Variants in APBB2 observed in about 807,000 individuals in gnomAD.
APBB2 encodes Fe65-like 1.
Under a neutral mutation model 82.5 loss-of-function variants are expected in APBB2, and 38 were observed. The observed-to-expected ratio is 0.46, with a 90% CI of 0.36 to 0.60. The LOEUF is 0.60. Ranked by LOEUF, APBB2 falls within the 20% of genes least tolerant of loss-of-function variation. The pLI, the probability that APBB2 is intolerant of heterozygous loss-of-function variation, is 0.00. For missense variants in APBB2, 772 were observed against 972.3 expected, an observed-to-expected ratio of 0.79 and a Z score of 2.74; for synonymous variants, 341 against 368.2, an observed-to-expected ratio of 0.93 and a Z score of 0.85.
chr4:40,996,493 A>T (rs542349366), intron 6 of APBB2, among the ~76,000 whole-genome samples: 1 of 152,128 alleles, frequency 6.6e-6, no homozygotes, highest in African/African-American at 2.4e-5. Flanking sequence ...AATCTCTCTG[A>T]CTTCTCCCTA....
intron 6 of APBB2, among the ~76,000 whole-genome samples, chr4:40,985,985 C>G (rs539226422): frequency 3.3e-4 from 50 of 152,262 alleles, no homozygotes; most frequent in Admixed American, 2.7e-3. Flanking sequence ...ATAAGTGACA[C>G]ATAAATAACA....
chr4:40,869,187 CAGA>C (rs1483275474), intron 12 of APBB2, among the ~76,000 whole-genome samples: 1 of 152,054 alleles, frequency 6.6e-6, no homozygotes, highest in Non-Finnish European at 1.5e-5. Context: ...TGCCTGTAAA[CAGA>C]AGAATAAAGT....
At chr4:40,982,400 G>GAAAGAAAGAAAGAAAGAAAGAAA (rs1491531264) in intron 6 of APBB2, among the ~76,000 whole-genome samples, 1 of 16,046 alleles carries the variant, frequency 6.2e-5, no homozygotes, top group Non-Finnish European at 1.4e-4. Context: ...GGAAAGGAAA[G>GAAAGAAAGAAAGAAAGAAAGAAA]GAAAGAAAGA....
At chr4:41,070,834 A>T (rs112337794) in intron 3 of APBB2, among the ~76,000 whole-genome samples, 13 of 152,348 alleles carry the variant, frequency 8.5e-5, no homozygotes, top group African/African-American at 2.9e-4. Flanking sequence ...TCTACTCTTA[A>T]GAACGCTAAG....
At chr4:41,021,334 T>C (rs2154433637) in intron 5 of APBB2, among the ~76,000 whole-genome samples, 1 of 152,308 alleles carries the variant, frequency 6.6e-6, no homozygotes, top group East Asian at 1.9e-4. Context: ...TGGGGTGTCC[T>C]GTTTAGAGGG....
intron 10 of APBB2, among the ~76,000 whole-genome samples, chr4:40,926,455 T>C (rs1389087708): frequency 6.6e-6 from 1 of 152,192 alleles, no homozygotes; most frequent in Non-Finnish European, 1.5e-5. Context: ...AAATGATTTT[T>C]TTTTTTTTGA....
rs1745073175 is a variant in APBB2, at chr4:40,814,341, C to T, written c.*1751G>A. On this transcript the variant is annotated 3_prime_UTR_variant, in exon 18 of 18. Transcript: ENST00000508593. The stretch of plus-strand genomic sequence containing the variant: ...TCCCTGACAATAGATCTTTCCATAC[C>T]TGCTCTTCTTAGTATATGCCCAGAA... The T allele has an allele frequency of 6.6e-6, 1 of 151,866 alleles. No individual in the cohort carries two copies. Among genetic ancestry groups the T allele is most frequent in the African/African-American group, 2.4e-5 (1 of 41,394 alleles). 9.4% of individuals were successfully genotyped at this position (151,866 alleles called of 1,614,324 possible). A position where few individuals can be genotyped will look rare whatever the true frequency, so the allele number is the denominator to read the frequency against.
chr4:41,158,316 G>A (rs1763985266), intron 1 of APBB2, among the ~76,000 whole-genome samples: 1 of 152,150 alleles, frequency 6.6e-6, no homozygotes, highest in Non-Finnish European at 1.5e-5. Flanking sequence ...GGTGAAAAGA[G>A]TATATTCTTT....
Position 40,822,066 on chromosome 4 carries a change from T to C in APBB2, c.1933-16A>G, listed in dbSNP as rs777536990. On this transcript the variant is annotated splice_polypyrimidine_tract_variant and intron_variant, in intron 16 of 17. Transcript: ENST00000508593. ...CCTCTTCATTCTGCAAGAGACATTATGCGGCATCCAATCAGGAGATCCCAG... is the reference window on the plus strand; with the variant it reads ...CCTCTTCATTCTGCAAGAGACATTACGCGGCATCCAATCAGGAGATCCCAG... 1.2e-5 allele frequency: 20 copies of C among 1,613,276 alleles called. No individual in the cohort carries two copies. In the South Asian group the frequency reaches 2.1e-4, roughly 17 times the overall value.
chr4:40,952,972 C>A (rs986077298), intron 6 of APBB2, among the ~76,000 whole-genome samples: 1 of 151,982 alleles, frequency 6.6e-6, no homozygotes, highest in Non-Finnish European at 1.5e-5. Flanking sequence ...GGGTTTACAG[C>A]CAAAAAGGTA....
intron 6 of APBB2, among the ~76,000 whole-genome samples, chr4:40,967,963 C>T (rs1009585247): frequency 3.3e-5 from 5 of 152,198 alleles, no homozygotes; most frequent in African/African-American, 7.2e-5. Context: ...AAATAGAGTC[C>T]GATAATTTAC....
intron 1 of APBB2, among the ~76,000 whole-genome samples, chr4:41,161,212 T>G (rs1270604443): frequency 1.3e-5 from 2 of 150,740 alleles, no homozygotes; most frequent in Admixed American, 6.6e-5. Flanking sequence ...AGTTTGGAAT[T>G]GTGATTTGGC....
At chr4:40,996,475 A>C (rs1803667763) in intron 6 of APBB2, among the ~76,000 whole-genome samples, 4 of 152,196 alleles carry the variant, frequency 2.6e-5, no homozygotes, top group African/African-American at 9.6e-5. Flanking sequence ...TCCAGGTGAC[A>C]AAGTCTGAAT....
chr4:40,965,096 G>C lies in APBB2; in HGVS notation c.836-20023C>G, dbSNP rs146062378. 5.0e-3 allele frequency among the ~76,000 whole-genome samples: 762 copies of C among 151,638 alleles called. 5 individuals carry two copies. Among genetic ancestry groups the C allele is most frequent in the African/African-American group, 0.017 (709 of 41,244 alleles). On this transcript the variant is annotated intron_variant, in intron 6 of 17. Transcript: ENST00000508593. ...TATCACTCCACTGCACTCCAGCCAG[G>C]GCGACAGAGCAAGACTCCATCTCAA... is the stretch of plus-strand genomic sequence containing the variant.
intron 4 of APBB2, among the ~76,000 whole-genome samples, chr4:41,033,991 C>T (rs1236733339): frequency 6.6e-6 from 1 of 152,166 alleles, no homozygotes; most frequent in African/African-American, 2.4e-5. Flanking sequence ...CCAGATAATA[C>T]CACAATCTAA....
At chr4:40,865,142 G>C (rs1279906623) in intron 12 of APBB2, among the ~76,000 whole-genome samples, 1 of 152,080 alleles carries the variant, frequency 6.6e-6, no homozygotes, top group East Asian at 1.9e-4. Flanking sequence ...ACAGGTGTGA[G>C]CCACCACGCC....
intron 2 of APBB2, among the ~76,000 whole-genome samples, chr4:41,134,415 T>TA (rs1179462188): frequency 1.3e-5 from 2 of 152,004 alleles, no homozygotes; most frequent in East Asian, 1.9e-4. Context: ...CCATCTCTAC[T>TA]AAAAATACAA....
intron 2 of APBB2, among the ~76,000 whole-genome samples, chr4:41,114,775 G>A (rs1416515059): frequency 6.6e-6 from 1 of 152,050 alleles, no homozygotes; most frequent in Non-Finnish European, 1.5e-5. Context: ...GGGATGTGAA[G>A]GACCCCTTCA....
chr4:40,880,794 A>T, intron 12 of APBB2: 1 of 985,412 alleles, frequency 1.0e-6, no homozygotes, highest in Non-Finnish European at 1.2e-6. Context: ...TTGACACAAC[A>T]GCCTCAAGCC....
Sources: allele counts gnomAD v4.1 joint callset (sites outside exome capture counted in the v4.1 genomes callset), GRCh38; gene constraint gnomAD v4.1.1; transcripts MANE v1.5; gene names NCBI Gene and HGNC (gene_info 2026-07-23, HGNC 2026-07-21).